RCAN1: variants seen among roughly 807,000 people sequenced by gnomAD.
RCAN1 encodes calcipressin-1.
RCAN1 carries 11 observed loss-of-function variants against 22.9 expected under a neutral mutation model. The ratio of observed to expected loss-of-function variants is 0.48; its 90% confidence interval spans 0.30 to 0.79. The LOEUF (loss-of-function observed/expected upper bound fraction) is 0.79, where lower values mean the gene tolerates loss of function less well. Ranked by LOEUF, RCAN1 falls within the 30% of genes least tolerant of loss-of-function variation. RCAN1 has a pLI of 0.06. For synonymous variants in RCAN1, 136 were observed against 142.3 expected (o/e 0.96, Z 0.32); for missense variants, 291 against 337.8 (o/e 0.86, Z 1.09).
At position 34,614,678 on chromosome 21, in the gene RCAN1, C is replaced by G; in HGVS notation, c.252+82G>C. The stretch of plus-strand genomic sequence containing the variant: ...CTCCCCGCCCCGCGCGCGGCCGGGA[C>G]TGGGCGCTGCGACCCGCGCCGCCTC... On this transcript the variant is annotated intron_variant, in intron 1 of 3. Coordinates refer to ENST00000313806, the MANE Select transcript of RCAN1 (RefSeq NM_004414.7). The surrounding 1 kb of genome is among the most constrained non-coding windows in gnomAD (Gnocchi z 6.0). The G allele has an allele frequency of 8.0e-7, 1 of 1,250,722 alleles. No homozygotes were observed. Among genetic ancestry groups the G allele is most frequent in the Non-Finnish European group, 1.0e-6 (1 of 994,118 alleles). 77.5% of individuals were successfully genotyped at this position (1,250,722 alleles called of 1,614,324 possible). A position where few individuals can be genotyped will look rare whatever the true frequency, so the allele number is the denominator to read the frequency against.
intron 1 of RCAN1, among the ~76,000 whole-genome samples, chr21:34,590,488 CT>C (rs1346668390): frequency 6.6e-6 from 1 of 152,222 alleles, no homozygotes; most frequent in East Asian, 1.9e-4. Context: ...GTAATAAGAA[CT>C]GGAGACCTAC....
chr21:34,549,428 T>C (rs1455997806), intron 1 of RCAN1, among the ~76,000 whole-genome samples: 4 of 152,156 alleles, frequency 2.6e-5, no homozygotes, highest in Non-Finnish European at 5.9e-5. Flanking sequence ...TAATCTGCTT[T>C]TGAGTTTGAA....
intron 1 of RCAN1, among the ~76,000 whole-genome samples, chr21:34,605,430 G>C (rs1311610808): frequency 1.3e-5 from 2 of 151,932 alleles, no homozygotes; most frequent in Non-Finnish European, 2.9e-5. Context: ...TATATATATC[G>C]ATCTATCCTA....
intron 1 of RCAN1, among the ~76,000 whole-genome samples, chr21:34,602,482 T>C (rs1988387059): frequency 6.6e-6 from 1 of 152,186 alleles, no homozygotes; most frequent in Non-Finnish European, 1.5e-5. Flanking sequence ...TGCAGGTGTT[T>C]CCAGGCAGTT....
intron 1 of RCAN1, among the ~76,000 whole-genome samples, chr21:34,544,570 T>C (rs1986057617): frequency 1.3e-5 from 2 of 152,176 alleles, no homozygotes; most frequent in Admixed American, 1.3e-4. Flanking sequence ...GCCACTAGAT[T>C]TGTAGTAATT....
At chr21:34,524,386 C>T (rs118011038) in intron 1 of RCAN1, 2,899 of 152,292 alleles carry the variant, frequency 0.019, 44 homozygotes, top group Middle Eastern at 0.061. Context: ...CCACTCACCC[C>T]CCCTTTTTTC....
chr21:34,526,672 A>C, intron 1 of RCAN1: 1 of 1,613,226 alleles, frequency 6.2e-7, no homozygotes, highest in Non-Finnish European at 8.5e-7. Flanking sequence ...CCCTGGTTTC[A>C]CTTTCGCTGA....
intron 1 of RCAN1, among the ~76,000 whole-genome samples, chr21:34,556,349 C>T (rs189065638): frequency 1.7e-4 from 26 of 150,358 alleles, no homozygotes; most frequent in Middle Eastern, 3.4e-3. Context: ...TCGCTTGAGC[C>T]CAGGAGGTCG....
chr21:34,584,151 T>C (rs531664193), intron 1 of RCAN1, among the ~76,000 whole-genome samples: 1 of 152,320 alleles, frequency 6.6e-6, no homozygotes, highest in South Asian at 2.1e-4. Context: ...AACAATTTGT[T>C]GCCTGTATTC....
At chr21:34,536,569 G>C (rs1985680322) in intron 1 of RCAN1, among the ~76,000 whole-genome samples, 2 of 152,142 alleles carry the variant, frequency 1.3e-5, no homozygotes. Context: ...AATGCTGCCT[G>C]GAAAACCTTT....
intron 1 of RCAN1, among the ~76,000 whole-genome samples, chr21:34,531,621 A>T (rs180903858): frequency 6.6e-6 from 1 of 152,220 alleles, no homozygotes; most frequent in Admixed American, 6.5e-5. Context: ...CTCCCGCTGT[A>T]TAAGCTTCAG....
chr21:34,545,759 C>T (rs1048318025), intron 1 of RCAN1, among the ~76,000 whole-genome samples: 2 of 152,316 alleles, frequency 1.3e-5, no homozygotes, highest in Admixed American at 1.3e-4. Context: ...GTCCTTGCTG[C>T]AACCACAAAG....
At chr21:34,604,272 A>G (rs1483499698) in intron 1 of RCAN1, among the ~76,000 whole-genome samples, 3 of 152,122 alleles carry the variant, frequency 2.0e-5, no homozygotes, top group African/African-American at 7.2e-5. Context: ...CTAGGATTAC[A>G]GGCGCCCACC....
chr21:34,570,371 A>G (rs1987192046), intron 1 of RCAN1, among the ~76,000 whole-genome samples: 1 of 152,256 alleles, frequency 6.6e-6, no homozygotes, highest in African/African-American at 2.4e-5. Flanking sequence ...TTGCTTCTGC[A>G]TATAGCTTTC....
At chr21:34,599,393 G>C (rs1436583928) in intron 1 of RCAN1, among the ~76,000 whole-genome samples, 1 of 152,160 alleles carries the variant, frequency 6.6e-6, no homozygotes, top group Admixed American at 6.5e-5. Context: ...AGAATCATTT[G>C]AACCCGGGAG....
intron 1 of RCAN1, chr21:34,525,338 T>C: frequency 6.7e-7 from 1 of 1,499,960 alleles, no homozygotes; most frequent in Non-Finnish European, 8.9e-7. Flanking sequence ...TTTAGGGACA[T>C]TTCTGAGACT....
chr21:34,525,363 C>A, intron 1 of RCAN1: 4 of 1,472,902 alleles, frequency 2.7e-6, no homozygotes, highest in Non-Finnish European at 3.6e-6. Context: ...CACGAGGGAT[C>A]CCGCAGAGGC....
At chr21:34,538,305 T>C (rs969542454) in intron 1 of RCAN1, among the ~76,000 whole-genome samples, 2 of 152,168 alleles carry the variant, frequency 1.3e-5, no homozygotes, top group African/African-American at 2.4e-5. Flanking sequence ...TACATTTTAT[T>C]CCTTATGTTG....
chr21:34,523,900 A>C, intron 1 of RCAN1, 190 bp from the exon 2 acceptor site: 1 of 430,610 alleles, frequency 2.3e-6, no homozygotes, highest in South Asian at 2.6e-5. Flanking sequence ...CTCCTGCCTC[A>C]GCCTCCCGAG....
Sources: gnomAD v4.1 joint callset for allele counts (sites outside exome capture counted in the v4.1 genomes callset) on GRCh38, gnomAD v4.1.1 for gene constraint, Gnocchi (gnomAD v3.1) non-coding constraint, MANE v1.5 for transcripts, NCBI Gene and HGNC (gene_info 2026-07-23, HGNC 2026-07-21) for gene names.